Variants in OXR1 observed in about 807,000 individuals in gnomAD.
OXR1 encodes oxidation resistance 1.
In OXR1, 41 loss-of-function variants were observed where a neutral mutation model predicts 104.6. The observed-to-expected ratio is 0.39, with a 90% CI of 0.31 to 0.51. OXR1 has a LOEUF of 0.51. Ranked by LOEUF, OXR1 falls within the 20% of genes least tolerant of loss-of-function variation. OXR1 has a pLI of 0.77. For missense variants in OXR1, 955 were observed against 1,031.9 expected (o/e 0.93, Z 1.02); for synonymous variants, 348 against 348.4 (o/e 1.00, Z 0.01).
intron 10 of OXR1, 118 bp downstream of exon 10, chr8:106,710,908 C>T: frequency 1.5e-6 from 1 of 651,094 alleles, no homozygotes. Context: ...TAAAAGCAGA[C>T]AATAAGTCTA....
At chr8:106,394,361 T>C (rs930366581) in intron 2 of OXR1, among the ~76,000 whole-genome samples, 1 of 151,072 alleles carries the variant, frequency 6.6e-6, no homozygotes, top group African/African-American at 2.4e-5. Flanking sequence ...GCTTGCCATA[T>C]AACCCAGCAA....
intron 3 of OXR1, among the ~76,000 whole-genome samples, chr8:106,546,548 G>T (rs964531299): frequency 6.6e-6 from 1 of 152,136 alleles, no homozygotes; most frequent in Non-Finnish European, 1.5e-5. Context: ...TGAGACCTTC[G>T]GTATTTAAAG....
intron 2 of OXR1, among the ~76,000 whole-genome samples, chr8:106,476,411 G>C (rs1821813123): frequency 6.6e-6 from 1 of 151,910 alleles, no homozygotes; most frequent in African/African-American, 2.4e-5. Context: ...CCAAAAGACT[G>C]GTAGCTGATG....
At chr8:106,382,840 G>A (rs2130417200) in intron 2 of OXR1, among the ~76,000 whole-genome samples, 1 of 151,974 alleles carries the variant, frequency 6.6e-6, no homozygotes, top group Non-Finnish European at 1.5e-5. Context: ...CATTATATAT[G>A]GGAAAACTAA....
intron 3 of OXR1, among the ~76,000 whole-genome samples, chr8:106,641,710 T>G (rs1823649539): frequency 6.6e-6 from 1 of 152,062 alleles, no homozygotes; most frequent in South Asian, 2.1e-4. Flanking sequence ...TTTCTGAGCT[T>G]AGTTCTTAGA....
At chr8:106,536,226 AAAAGAAAGAAAGAAAG>A (rs144607017) in intron 3 of OXR1, among the ~76,000 whole-genome samples, 9 of 145,042 alleles carry the variant, frequency 6.2e-5, no homozygotes, top group Admixed American at 2.8e-4. Flanking sequence ...TCTCAAAAAA[AAAAGAAAGAAAGAAAG>A]AAAGAAAGAA....
chr8:106,311,063 T>C (rs1312471609), intron 1 of OXR1, among the ~76,000 whole-genome samples: 1 of 152,132 alleles, frequency 6.6e-6, no homozygotes, highest in Non-Finnish European at 1.5e-5. Context: ...TTGGACCATC[T>C]TGATCAGTCT....
At chr8:106,313,117 T>A (rs772357163) in intron 1 of OXR1, among the ~76,000 whole-genome samples, 15 of 152,210 alleles carry the variant, frequency 9.9e-5, no homozygotes, top group Non-Finnish European at 2.9e-5. Context: ...TATTTTTTTT[T>A]AATCCTAATA....
chr8:106,704,909 A>G (rs1830998492), intron 8 of OXR1, among the ~76,000 whole-genome samples: 1 of 152,184 alleles, frequency 6.6e-6, no homozygotes, highest in African/African-American at 2.4e-5. Context: ...TTGATTAAAA[A>G]CAATATTTGG....
At chr8:106,646,582 C>T (rs1824101536) in intron 3 of OXR1, among the ~76,000 whole-genome samples, 1 of 151,966 alleles carries the variant, frequency 6.6e-6, no homozygotes, top group Non-Finnish European at 1.5e-5. Context: ...ATTCAAGTAA[C>T]ATGAGAAGGT....
chr8:106,558,066 G>A (rs1816414209), intron 3 of OXR1, among the ~76,000 whole-genome samples: 1 of 152,088 alleles, frequency 6.6e-6, no homozygotes, highest in South Asian at 2.1e-4. Context: ...TTTTAACTTG[G>A]AAGAAGTCAT....
At chr8:106,700,239 G>C (rs1359916612) in intron 7 of OXR1, among the ~76,000 whole-genome samples, 1 of 152,150 alleles carries the variant, frequency 6.6e-6, no homozygotes, top group Admixed American at 6.5e-5. Context: ...CTGATAATAT[G>C]TAGGAGTTAT....
intron 2 of OXR1, among the ~76,000 whole-genome samples, chr8:106,456,972 A>C (rs1157597835): frequency 2.0e-5 from 3 of 152,228 alleles, no homozygotes; most frequent in African/African-American, 7.2e-5. Context: ...TTAAGTGGCT[A>C]AGCCATCTGA....
chr8:106,617,995 A>G, intron 3 of OXR1: 1 of 1,466,442 alleles, frequency 6.8e-7, no homozygotes, highest in Non-Finnish European at 9.0e-7. Context: ...GAAACCTCTG[A>G]ATCTTGCACA....
intron 3 of OXR1, among the ~76,000 whole-genome samples, chr8:106,617,283 C>A (rs1299891784): frequency 2.6e-5 from 4 of 152,114 alleles, no homozygotes; most frequent in Admixed American, 2.0e-4. Context: ...ATTAGCCGGG[C>A]ATGATGGCGT....
intron 3 of OXR1, among the ~76,000 whole-genome samples, chr8:106,562,155 T>G (rs1316739805): frequency 6.6e-6 from 1 of 152,034 alleles, no homozygotes; most frequent in Non-Finnish European, 1.5e-5. Flanking sequence ...CTTCAGAAGA[T>G]GAGTAATAAC....
At chr8:106,322,679 C>A (rs1001228525) in intron 1 of OXR1, among the ~76,000 whole-genome samples, 12 of 152,214 alleles carry the variant, frequency 7.9e-5, no homozygotes, top group Admixed American at 2.6e-4. Flanking sequence ...TAAACAACTT[C>A]AGCAAAGTTG....
At chr8:106,367,294 A>C (rs1458031166) in intron 2 of OXR1, among the ~76,000 whole-genome samples, 2 of 151,848 alleles carry the variant, frequency 1.3e-5, no homozygotes, top group Non-Finnish European at 2.9e-5. Flanking sequence ...CGATCTCCTG[A>C]CCTCGTGATC....
intron 3 of OXR1, among the ~76,000 whole-genome samples, chr8:106,646,686 T>C (rs1173228925): frequency 6.6e-6 from 1 of 151,914 alleles, no homozygotes; most frequent in African/African-American, 2.4e-5. Flanking sequence ...AGACAGAGGG[T>C]AAGACCTCCT....
Sources: gnomAD v4.1 joint callset for allele counts (sites outside exome capture counted in the v4.1 genomes callset) on GRCh38, gnomAD v4.1.1 for gene constraint, MANE v1.5 for transcripts, NCBI Gene and HGNC (gene_info 2026-07-23, HGNC 2026-07-21) for gene names.